The following ATP6V1D variants were observed in gnomAD, a reference collection of about 807,000 sequenced individuals.
ATP6V1D encodes ATPase H+ transporting V1 subunit D, also known as V-type proton ATPase subunit D.
A neutral mutation model predicts 39.4 loss-of-function variants in ATP6V1D; 20 were observed. That is an observed-to-expected ratio of 0.51 (90% CI 0.36 to 0.74). ATP6V1D has a LOEUF of 0.74. Among genes scored for constraint, ATP6V1D ranks in the 30% least tolerant of loss-of-function variants. The pLI is 0.00. For synonymous variants in ATP6V1D, 100 were observed against 100.5 expected (o/e 0.99, Z 0.03); for missense variants, 228 against 291.6 (o/e 0.78, Z 1.59).
chr14:67,347,370 C>G (rs758065133), intron 5 of ATP6V1D, 39 bp downstream of exon 5: 2 of 1,520,436 alleles, frequency 1.3e-6, no homozygotes, highest in Non-Finnish European at 1.8e-6. Context: ...AACAGGAAAT[C>G]CCAGAGACAC....
Position 67,338,666 on chromosome 14 carries a change from A to G in ATP6V1D, c.699T>C (p.Ala233=). 1 of 1,614,160 alleles carries G rather than the reference A, an allele frequency of 6.2e-7. No homozygotes were observed. The highest frequency in any genetic ancestry group is 8.5e-7 in the Non-Finnish European group (1 of 1,180,000). ...RRAAGEVLEP[A]NLLAEEKDED... The stretch of plus-strand genomic sequence containing the variant: ...CGTCCTTCTCTTCAGCCAGAAGATT[A>G]GCAGGCTCCAACACCTCTCCAGCTG... Residue 233 remains alanine (A), a synonymous_variant, in exon 9 of 9, where the codon GCT becomes GCC. Coordinates refer to ENST00000216442, the MANE Select transcript of ATP6V1D (RefSeq NM_015994.4).
intron 8 of ATP6V1D, among the ~76,000 whole-genome samples, chr14:67,339,377 T>G (rs1413518000): frequency 6.6e-6 from 1 of 152,152 alleles, no homozygotes; most frequent in Non-Finnish European, 1.5e-5. Context: ...TTTTTAAAAT[T>G]TTGGCTCAAC....
intron 7 of ATP6V1D, among the ~76,000 whole-genome samples, chr14:67,341,351 C>CA (rs2085580755): frequency 6.7e-6 from 1 of 150,322 alleles, no homozygotes; most frequent in Non-Finnish European, 1.5e-5. Flanking sequence ...GGAGACCCTC[C>CA]ACCCGGCAGC....
rs201968492 is a variant in ATP6V1D, at chr14:67,340,460, T to G, written c.582A>C (p.Arg194Ser). The change falls in exon 8 of 9, where the codon AGA becomes AGC. Residue 194 changes from arginine to serine, a missense_variant. Around this residue, in one of 3 missense-constraint regions of ATP6V1D, gnomAD observed 114 missense variants for 128.3 expected, o/e 0.89. Transcript: ENST00000216442. The stretch of plus-strand genomic sequence containing the variant: ...CAAACCTATAGAACTCTTCTCGCTC[T>G]CTCTCATCCAGCTCTGTGATGATAT... ...LAYIITELDEREREEFYRLKK... is the reference protein window; with the variant it reads ...LAYIITELDESEREEFYRLKK... 43 of 1,613,912 alleles carry G rather than the reference T, an allele frequency of 2.7e-5. No homozygotes were observed. The highest frequency in any genetic ancestry group is 3.3e-5 in the South Asian group (3 of 91,076).
chr14:67,352,848 A>G (rs1025641148), intron 2 of ATP6V1D, 75 bp downstream of exon 2: 38 of 838,876 alleles, frequency 4.5e-5, no homozygotes, highest in Non-Finnish European at 6.3e-5. Flanking sequence ...AAATAACAAC[A>G]ACAAAAAAAA....
At chr14:67,343,292 A>G in intron 7 of ATP6V1D, 80 bp downstream of exon 7, 3 of 1,085,816 alleles carry the variant, frequency 2.8e-6, no homozygotes, top group Non-Finnish European at 4.2e-6. Context: ...TCTTCAGTAC[A>G]GTCCCTGAAT....
chr14:67,342,557 C>CTTTTTTTTTT (rs767148771), intron 7 of ATP6V1D, among the ~76,000 whole-genome samples: 3 of 136,990 alleles, frequency 2.2e-5, no homozygotes, highest in South Asian at 4.6e-4. Flanking sequence ...ACGAATTATC[C>CTTTTTTTTTT]TTTTTTTTTT....
Position 67,338,650 on chromosome 14 carries a change from C to T in ATP6V1D, c.715G>A (p.Glu239Lys), listed in dbSNP as rs2085557103. 6.2e-7 allele frequency: 1 copy of T among 1,614,130 alleles called. No homozygotes were observed. Residue 239 changes from glutamate to lysine, a missense_variant, in exon 9 of 9, where the codon GAG becomes AAG. Physicochemically the swap from Glu to Lys is moderately conservative, Grantham distance 56. Transcript: ENST00000216442. The part of the protein sequence containing the change: ...VLEPANLLAE[E>K]KDEDLLFE ...TCAAATAGAAGATCCTCGTCCTTCT[C>T]TTCAGCCAGAAGATTAGCAGGCTCC... is the stretch of plus-strand genomic sequence containing the variant.
intron 2 of ATP6V1D, 122 bp downstream of exon 2, chr14:67,352,798 TATA>T (rs2085664212): frequency 1.5e-6 from 1 of 659,692 alleles, no homozygotes; most frequent in Admixed American, 2.7e-5. Context: ...TTGTTAAACT[TATA>T]ATGGTATTTT....
intron 7 of ATP6V1D, 51 bp downstream of exon 7, chr14:67,343,321 A>G: frequency 7.2e-7 from 1 of 1,396,884 alleles, no homozygotes; most frequent in Non-Finnish European, 1.0e-6. Context: ...TTTCACGACA[A>G]GTGGAGGGTA....
chr14:67,349,764 A>G (rs961959956), intron 3 of ATP6V1D, among the ~76,000 whole-genome samples: 3 of 152,202 alleles, frequency 2.0e-5, no homozygotes, highest in African/African-American at 7.2e-5. Context: ...AAACACTCAC[A>G]TACCACTTAT....
intron 6 of ATP6V1D, among the ~76,000 whole-genome samples, chr14:67,344,963 C>T (rs913950042): frequency 2.0e-5 from 3 of 149,634 alleles, no homozygotes; most frequent in African/African-American, 2.5e-5. Context: ...AAGCAGGGGC[C>T]GGGTGTGGTG....
intron 1 of ATP6V1D, among the ~76,000 whole-genome samples, chr14:67,354,877 G>A (rs1443631219): frequency 6.6e-6 from 1 of 152,130 alleles, no homozygotes; most frequent in East Asian, 1.9e-4. Context: ...GCAATGGCGC[G>A]ATCTCGGCTC....
chr14:67,352,170 T>C (rs2085658675), intron 2 of ATP6V1D, among the ~76,000 whole-genome samples: 2 of 152,032 alleles, frequency 1.3e-5, no homozygotes, highest in African/African-American at 4.8e-5. Flanking sequence ...AAAATGCTTT[T>C]GTTAAGTACG....
chr14:67,359,804 T>C lies in ATP6V1D; in HGVS notation c.-106A>G, dbSNP rs541557012. On this transcript the variant is annotated 5_prime_UTR_variant, in exon 1 of 9. Transcript: ENST00000216442. ...TTCCTCTACGGGAGTCAGCTGGTTG[T>C]GTCACTTGACCCCTCTTGTTGCTAA... The C allele has an allele frequency of 7.7e-4, 1,028 of 1,341,620 alleles. No homozygotes were observed. The highest frequency in any genetic ancestry group is 1.0e-3 in the Non-Finnish European group (984 of 952,426). The allele number at this position is 1,341,620 out of a possible 1,614,324, so 83.1% of individuals were successfully genotyped here.
intron 8 of ATP6V1D, among the ~76,000 whole-genome samples, chr14:67,339,108 G>A (rs1374025362): frequency 2.7e-5 from 4 of 147,834 alleles, no homozygotes; most frequent in Non-Finnish European, 5.9e-5. Context: ...GCAATTCCTT[G>A]CCTCAGCCTC....
intron 7 of ATP6V1D, among the ~76,000 whole-genome samples, chr14:67,341,513 G>T (rs1356213826): frequency 1.3e-5 from 2 of 151,036 alleles, no homozygotes; most frequent in African/African-American, 2.4e-5. Flanking sequence ...GAGGGAGGTG[G>T]GGGGGGTCAG....
At position 67,356,701 on chromosome 14, in the gene ATP6V1D, C is replaced by T. The variant is rs144097288; in HGVS notation, c.41+2957G>A. On this transcript the variant is annotated intron_variant, in intron 1 of 8. Coordinates refer to ENST00000216442, the MANE Select transcript of ATP6V1D (RefSeq NM_015994.4). ...ATGCTCAAACTAAGGCTCCAACCTACGTTCACTGTACCCCAAACATGTGCC... is the reference window on the plus strand; with the variant it reads ...ATGCTCAAACTAAGGCTCCAACCTATGTTCACTGTACCCCAAACATGTGCC... Among the ~76,000 whole-genome samples, 546 of 152,290 alleles carry T rather than the reference C, an allele frequency of 3.6e-3. 1 individual carries two copies. Among genetic ancestry groups the T allele is most frequent in the African/African-American group, 0.011 (475 of 41,558 alleles).
At chr14:67,341,186 G>T (rs1467697533) in intron 7 of ATP6V1D, among the ~76,000 whole-genome samples, 1 of 152,146 alleles carries the variant, frequency 6.6e-6, no homozygotes, top group Non-Finnish European at 1.5e-5. Flanking sequence ...TCTGGAAAGT[G>T]AGGAGCGTCT....
Sources: gnomAD v4.1 joint callset for allele counts (sites outside exome capture counted in the v4.1 genomes callset) on GRCh38, gnomAD v4.1.1 for gene constraint, gnomAD v4.1.1 regional missense constraint, MANE v1.5 for transcripts, NCBI Gene and HGNC (gene_info 2026-07-23, HGNC 2026-07-21) for gene names.